The following MEGF6 variants were observed in gnomAD, a reference collection of about 807,000 sequenced individuals.
The protein encoded by MEGF6 is multiple epidermal growth factor-like domains protein 6.
Under a neutral mutation model 207.1 loss-of-function variants are expected in MEGF6, and 184 were observed. The observed-to-expected ratio is 0.89, with a 90% CI of 0.79 to 1.00. MEGF6 has a LOEUF of 1.00. Ranked by LOEUF, MEGF6 falls within the 50% of genes least tolerant of loss-of-function variation. The pLI is 0.00. For missense variants in MEGF6, 2,282 were observed against 2,202.9 expected, an observed-to-expected ratio of 1.04 and a Z score of -0.72; for synonymous variants, 1,038 against 910.0, an observed-to-expected ratio of 1.14 and a Z score of -2.53.
At chr1:3,521,662 G>C (rs1231292542) in intron 5 of MEGF6, among the ~76,000 whole-genome samples, 1 of 152,186 alleles carries the variant, frequency 6.6e-6, no homozygotes, top group African/African-American at 2.4e-5. Flanking sequence ...GGCCCCCACA[G>C]AGAGCAGCTC....
At chr1:3,526,717 C>T (rs946559685) in intron 4 of MEGF6, among the ~76,000 whole-genome samples, 1 of 152,152 alleles carries the variant, frequency 6.6e-6, no homozygotes. Flanking sequence ...ACCTTTTATC[C>T]GACAACCTCA....
chr1:3,497,113 G>A lies in MEGF6; in HGVS notation c.3488C>T (p.Pro1163Leu). 2.5e-6 allele frequency: 4 copies of A among 1,573,354 alleles called. No individual in the cohort carries two copies. Among genetic ancestry groups the A allele is most frequent in the Non-Finnish European group, 3.5e-6 (4 of 1,157,336 alleles). Residue 1163 changes from proline (P) to leucine (L), a missense_variant, in exon 28 of 37, where the codon CCA becomes CTA. Physicochemically the swap from Pro to Leu is moderately conservative, Grantham distance 98. Coordinates refer to ENST00000356575, the MANE Select transcript of MEGF6 (RefSeq NM_001409.4). ...FTGSGCEQAC[P>L]PGSFGEDCAQ... is the part of the protein sequence containing the mutation. The stretch of plus-strand genomic sequence containing the variant: ...ACAGTCCTCCCCAAAGCTGCCGGGT[G>A]GGCAGGCTGGGTGGAGACAGGCAGG...
chr1:3,508,394 T>A (rs1238731825), intron 13 of MEGF6, among the ~76,000 whole-genome samples, 164 bp downstream of exon 13: 1 of 152,124 alleles, frequency 6.6e-6, no homozygotes, highest in African/African-American at 2.4e-5. Context: ...TCAGGGGATG[T>A]TTATCAAAGG....
In MEGF6 at chr1:3,490,330, T is replaced by C. The variant is rs1640300683; in HGVS notation, c.*198A>G. 4.9e-6 allele frequency: 3 copies of C among 608,814 alleles called. No homozygotes were observed. Among genetic ancestry groups the C allele is most frequent in the African/African-American group, 1.9e-5 (1 of 52,450 alleles). 37.7% of individuals were successfully genotyped at this position (608,814 alleles called of 1,614,324 possible). A position where few individuals can be genotyped will look rare whatever the true frequency, so the allele number is the denominator to read the frequency against. ...GGAGGCGCCTCTCTTCCAGCGGCCA[T>C]GCGAGGCTTCCCTCCTCAAGGCCAC... On this transcript the variant is annotated 3_prime_UTR_variant, in exon 37 of 37. Coordinates refer to ENST00000356575, the MANE Select transcript of MEGF6 (RefSeq NM_001409.4).
chr1:3,526,044 GCT>G (rs1345104281), intron 4 of MEGF6, among the ~76,000 whole-genome samples: 1 of 152,238 alleles, frequency 6.6e-6, no homozygotes, highest in African/African-American at 2.4e-5. Flanking sequence ...GCACACAGGG[GCT>G]CTCAGAGGAG....
chr1:3,523,859 CG>C (rs1190217819), intron 5 of MEGF6, among the ~76,000 whole-genome samples: 1 of 152,236 alleles, frequency 6.6e-6, no homozygotes, highest in Non-Finnish European at 1.5e-5. Flanking sequence ...AGCATCACAG[CG>C]GGGCTTAGTG....
chr1:3,610,031 C>T (rs1020154706), intron 1 of MEGF6, among the ~76,000 whole-genome samples: 13 of 152,228 alleles, frequency 8.5e-5, no homozygotes, highest in Admixed American at 7.8e-4. Context: ...CAGCTCTCCT[C>T]GGACAAAGGC....
chr1:3,575,738 C>G (rs111723314), intron 4 of MEGF6, among the ~76,000 whole-genome samples: 2,647 of 152,260 alleles, frequency 0.017, 91 homozygotes, highest in African/African-American at 0.06. Context: ...GAGAACAGCA[C>G]GGGAAAGACC....
intron 5 of MEGF6, among the ~76,000 whole-genome samples, chr1:3,521,699 T>C (rs775111058): frequency 1.3e-5 from 2 of 151,392 alleles, no homozygotes. Context: ...GACAAACCCA[T>C]GCCTATCCTG....
chr1:3,579,154 G>A (rs777012626), intron 4 of MEGF6, among the ~76,000 whole-genome samples: 12 of 152,206 alleles, frequency 7.9e-5, no homozygotes, highest in Admixed American at 2.6e-4. Flanking sequence ...GAAGAAACCC[G>A]GGACAGAGCA....
chr1:3,611,131 TACTC>T lies in MEGF6; in HGVS notation c.131+3_131+6del. ...CCGGCCGAGCCCTCCCAGCTCCTGC[TACTC>T]ACATGCCGGGCTGCAGCGGGAGCAG... On this transcript the variant is annotated splice_donor_5th_base_variant and intron_variant, in intron 1 of 36. Coordinates refer to ENST00000356575, the MANE Select transcript of MEGF6 (RefSeq NM_001409.4). 6.6e-7 allele frequency: 1 copy of T among 1,507,538 alleles called. No homozygotes were observed. Among genetic ancestry groups the T allele is most frequent in the South Asian group, 1.2e-5 (1 of 81,590 alleles). The allele number at this position is 1,507,538 out of a possible 1,614,324, so 93.4% of individuals were successfully genotyped here. A position where few individuals can be genotyped will look rare whatever the true frequency, so the allele number is the denominator to read the frequency against.
Position 3,506,111 on chromosome 1 carries a change from G to A in MEGF6, c.1915C>T (p.Leu639Phe). The A allele has an allele frequency of 6.3e-7, 1 of 1,591,270 alleles. No homozygotes were observed. The highest frequency in any genetic ancestry group is 8.6e-7 in the Non-Finnish European group (1 of 1,169,316). ...TGGAAGGGGCAGTGAGACTCACTGA[G>A]GTGGCAGAAGCGGCCGTAGAGCCCT... The part of the protein sequence containing the change: ...DPGLYGRFCH[L>F]TCPPWAFGPG... Residue 639 changes from leucine (L) to phenylalanine (F), a missense_variant, in exon 15 of 37, where the codon CTC becomes TTC. By Grantham distance (22) the Leu-to-Phe change is conservative (BLOSUM62 0). Coordinates refer to ENST00000356575, the MANE Select transcript of MEGF6 (RefSeq NM_001409.4).
In MEGF6 at chr1:3,575,460, G is replaced by T. The variant is rs189094389; in HGVS notation, c.481+4365C>A. ...CCACTCTGGGAGACTCCACATGGCA[G>T]CTGGGTGCTCTTGTGTAATTACCCC... On this transcript the variant is annotated intron_variant, in intron 4 of 36. Transcript: ENST00000356575. Among the ~76,000 whole-genome samples the T allele has an allele frequency of 2.2e-3, 335 of 152,322 alleles. 1 individual carries two copies. The highest frequency in any genetic ancestry group is 7.6e-3 in the African/African-American group (316 of 41,568).
Position 3,565,665 on chromosome 1 carries a change from T to A in MEGF6, c.481+14160A>T, listed in dbSNP as rs960606095. On this transcript the variant is annotated intron_variant, in intron 4 of 36. Coordinates refer to ENST00000356575, the MANE Select transcript of MEGF6 (RefSeq NM_001409.4). This position sits in a 1 kb window ranked among gnomAD's most constrained non-coding sequence, Gnocchi z 4.8. ...AATTGCCCAGTTAAACAGAGTGGCATGGGGCTGTCCAGGATTCCCTGTCCC... is the reference window on the plus strand; with the variant it reads ...AATTGCCCAGTTAAACAGAGTGGCAAGGGGCTGTCCAGGATTCCCTGTCCC... Among the ~76,000 whole-genome samples the A allele has an allele frequency of 6.6e-6, 1 of 152,106 alleles. No homozygotes were observed. The highest frequency in any genetic ancestry group is 2.4e-5 in the African/African-American group (1 of 41,422).
chr1:3,579,161 A>T (rs1233555386), intron 4 of MEGF6, among the ~76,000 whole-genome samples: 1 of 152,216 alleles, frequency 6.6e-6, no homozygotes, highest in Non-Finnish European at 1.5e-5. Context: ...CCCGGGACAG[A>T]GCAGGAAGCC....
At chr1:3,598,368 G>C (rs977777343) in intron 2 of MEGF6, among the ~76,000 whole-genome samples, 1 of 152,236 alleles carries the variant, frequency 6.6e-6, no homozygotes, top group African/African-American at 2.4e-5. Flanking sequence ...GCACTGCACA[G>C]AGACGCTCTG....
At chr1:3,550,148 C>T (rs186229928) in intron 4 of MEGF6, among the ~76,000 whole-genome samples, 38 of 152,268 alleles carry the variant, frequency 2.5e-4, no homozygotes, top group Admixed American at 7.8e-4. Flanking sequence ...TACCCAGAGG[C>T]GCCACAGACC....
At position 3,611,299 on chromosome 1, in the gene MEGF6, G is replaced by C; in HGVS notation, c.-31C>G. 7.0e-7 allele frequency: 1 copy of C among 1,418,650 alleles called. No homozygotes were observed. The highest frequency in any genetic ancestry group is 9.2e-7 in the Non-Finnish European group (1 of 1,092,708). The allele number at this position is 1,418,650 out of a possible 1,614,324, so 87.9% of individuals were successfully genotyped here. ...GCGCCGGTGCCTCCTCCGCTCTCCGGCTCACAGGCGGCCCCGGCGGCTCCC... is the reference window on the plus strand; with the variant it reads ...GCGCCGGTGCCTCCTCCGCTCTCCGCCTCACAGGCGGCCCCGGCGGCTCCC... On this transcript the variant is annotated 5_prime_UTR_variant, in exon 1 of 37. Coordinates refer to ENST00000356575, the MANE Select transcript of MEGF6 (RefSeq NM_001409.4).
chr1:3,561,258 C>T (rs547535388), intron 4 of MEGF6, among the ~76,000 whole-genome samples: 11 of 152,252 alleles, frequency 7.2e-5, no homozygotes, highest in Middle Eastern at 3.4e-3. Flanking sequence ...GCAAGGGCTA[C>T]GGGGCACTCA....
Sources: allele counts gnomAD v4.1 joint callset (sites outside exome capture counted in the v4.1 genomes callset), GRCh38; gene constraint gnomAD v4.1.1; non-coding constraint Gnocchi (gnomAD v3.1); transcripts MANE v1.5; gene names NCBI Gene and HGNC (gene_info 2026-07-23, HGNC 2026-07-21).